Variants in ERCC6 observed in about 807,000 individuals in gnomAD.
ERCC6 encodes the protein ERCC excision repair 6, chromatin remodeling factor.
A neutral mutation model predicts 158.7 loss-of-function variants in ERCC6; 116 were observed. The ratio of observed to expected loss-of-function variants is 0.73; its 90% CI spans 0.63 to 0.85. ERCC6 has a LOEUF of 0.85. Ranked by LOEUF, ERCC6 falls within the 40% of genes least tolerant of loss-of-function variation. The probability of loss-of-function intolerance (pLI) is 0.00; values close to 1 mark genes in which losing one functional copy is unlikely to be tolerated. For missense variants in ERCC6, 1,698 were observed against 1,799.4 expected (o/e 0.94, Z 1.02); for synonymous variants, 678 against 659.3 (o/e 1.03, Z -0.43).
downstream of ERCC6, among the ~76,000 whole-genome samples, chr10:49,450,447 C>T (rs1407805697): frequency 6.6e-6 from 1 of 152,166 alleles, no homozygotes; most frequent in African/African-American, 2.4e-5. Flanking sequence ...GGTTTTTCTA[C>T]TTTATTCTTT....
chr10:49,453,065 GA>G (rs1302971115), downstream of ERCC6, among the ~76,000 whole-genome samples: 1 of 152,014 alleles, frequency 6.6e-6, no homozygotes, highest in Non-Finnish European at 1.5e-5. Flanking sequence ...TTGATAAGTT[GA>G]ATACACATTA....
chr10:49,476,373 A>G (rs1850878186), intron 11 of ERCC6, 63 bp from the exon 12 acceptor site: 7 of 1,128,884 alleles, frequency 6.2e-6, no homozygotes, highest in Non-Finnish European at 7.9e-6. Context: ...AATAATTAAA[A>G]TATCAACAAA....
intron 9 of ERCC6, among the ~76,000 whole-genome samples, 189 bp downstream of exon 9, chr10:49,483,157 T>C (rs1851010104): frequency 6.6e-6 from 1 of 152,090 alleles, no homozygotes; most frequent in East Asian, 1.9e-4. Flanking sequence ...ACATGAACAA[T>C]CAGAATTAAA....
chr10:49,454,640 T>C lies in ERCC6; in HGVS notation c.*4175A>G, dbSNP rs547539331. Among the ~76,000 whole-genome samples the C allele has an allele frequency of 2.0e-5, 3 of 151,446 alleles. No homozygotes were observed. Among genetic ancestry groups the C allele is most frequent in the Admixed American group, 6.6e-5 (1 of 15,264 alleles). On this transcript the variant is annotated 3_prime_UTR_variant, in exon 21 of 21. Coordinates refer to ENST00000355832, the MANE Select transcript of ERCC6 (RefSeq NM_000124.4). ...CAGTGGGTCCACAGGGCCCTTCACA[T>C]TGCCATTCTGGAAGTGAAAATCTAA... is the stretch of plus-strand genomic sequence containing the variant.
At chr10:49,539,360 C>A (rs1837684252), upstream of ERCC6, 2 of 152,410 alleles carry the variant, frequency 1.3e-5, no homozygotes, top group South Asian at 4.1e-4. Context: ...GTGTGCCATG[C>A]GAATGTAAAT....
At chr10:49,440,261 G>A in the ERCC6 span, among the ~76,000 whole-genome samples, 1 of 152,214 alleles carries the variant, frequency 6.6e-6, no homozygotes, top group Non-Finnish European at 1.5e-5. Context: ...ATCATGGCAG[G>A]AGGTGAAAGG....
intron 14 of ERCC6, 124 bp downstream of exon 14, chr10:49,473,353 C>T (rs765016273): frequency 4.9e-6 from 4 of 809,234 alleles, no homozygotes; most frequent in Non-Finnish European, 4.4e-6. Flanking sequence ...CAAGTCTCCC[C>T]TTAGGCCCCC....
chr10:49,472,799 T>C (rs4253200), intron 15 of ERCC6, 110 bp downstream of exon 15: 53,412 of 1,327,962 alleles, frequency 0.04, 1,250 homozygotes, highest in Middle Eastern at 0.052. Context: ...ACAATCAAAA[T>C]GTGAAACGTA....
At chr10:49,516,417 T>C in intron 5 of ERCC6, 3 of 1,614,214 alleles carry the variant, frequency 1.9e-6, no homozygotes, top group Non-Finnish European at 2.5e-6. Context: ...ATTTGCATTG[T>C]CAGCAACATG....
intron 7 of ERCC6, among the ~76,000 whole-genome samples, chr10:49,497,683 C>T (rs957764117): frequency 6.6e-6 from 1 of 152,204 alleles, no homozygotes; most frequent in African/African-American, 2.4e-5. Flanking sequence ...ACCACCCTTT[C>T]CTAACTCTTA....
intron 5 of ERCC6, among the ~76,000 whole-genome samples, chr10:49,520,346 C>A (rs558591125): frequency 6.6e-6 from 1 of 152,318 alleles, no homozygotes; most frequent in East Asian, 1.9e-4. Context: ...GTTGCCCTCA[C>A]TGTAGTCTGC....
At chr10:49,526,159 AT>A (rs964087695) in intron 4 of ERCC6, among the ~76,000 whole-genome samples, 1 of 123,810 alleles carries the variant, frequency 8.1e-6, no homozygotes, top group African/African-American at 3.2e-5. Context: ...ATATATATAT[AT>A]ATCTGGGTAT....
intron 1 of ERCC6, among the ~76,000 whole-genome samples, chr10:49,534,108 T>C (rs556401181): frequency 8.9e-6 from 1 of 112,400 alleles, no homozygotes; most frequent in African/African-American, 3.6e-5. Context: ...CATTCCAGCA[T>C]AGGCAACAGA....
intron 5 of ERCC6, chr10:49,515,348 T>G (rs2132596435): frequency 6.2e-7 from 1 of 1,610,334 alleles, no homozygotes; most frequent in Non-Finnish European, 8.5e-7. Flanking sequence ...CAGTGTGATA[T>G]TCAACGGAAC....
intron 5 of ERCC6, among the ~76,000 whole-genome samples, chr10:49,520,164 T>C (rs898482176): frequency 6.6e-6 from 1 of 152,220 alleles, no homozygotes; most frequent in African/African-American, 2.4e-5. Context: ...CTTATTTCCA[T>C]CCCTAGCTCC....
intron 7 of ERCC6, among the ~76,000 whole-genome samples, chr10:49,498,337 A>T (rs563290307): frequency 1.3e-5 from 2 of 152,204 alleles, no homozygotes; most frequent in African/African-American, 2.4e-5. Context: ...TACATAGCCA[A>T]TGAGGCAATA....
At chr10:49,471,194 TAA>T in intron 16 of ERCC6, 74 bp from the exon 17 acceptor site, 3 of 1,473,780 alleles carry the variant, frequency 2.0e-6, no homozygotes, top group East Asian at 2.3e-5. Flanking sequence ...TAAAGCAATA[TAA>T]GAGAGAGATG....
chr10:49,478,510 T>G (rs747517395), intron 10 of ERCC6, 40 bp from the exon 11 acceptor site: 1 of 1,222,616 alleles, frequency 8.2e-7, no homozygotes, highest in Non-Finnish European at 1.2e-6. Flanking sequence ...CTATATATGT[T>G]TAAGGAACGC....
chr10:49,487,649 C>A (rs1281278435), intron 8 of ERCC6, among the ~76,000 whole-genome samples: 1 of 152,194 alleles, frequency 6.6e-6, no homozygotes, highest in Non-Finnish European at 1.5e-5. Context: ...CCTAGTGTAG[C>A]TGGAGCTTTC....
Sources: gnomAD v4.1 joint callset for allele counts (sites outside exome capture counted in the v4.1 genomes callset) on GRCh38, gnomAD v4.1.1 for gene constraint, MANE v1.5 for transcripts, NCBI Gene and HGNC (gene_info 2026-07-23, HGNC 2026-07-21) for gene names.